GPR158: variants seen among roughly 807,000 people sequenced by gnomAD.
GPR158 encodes metabotropic glycine receptor.
A neutral mutation model predicts 78.2 loss-of-function variants in GPR158; 30 were observed. The ratio of observed to expected loss-of-function variants is 0.38; its 90% CI spans 0.29 to 0.52. GPR158 has a LOEUF of 0.52. GPR158 is among the 20% of genes least tolerant of loss of function. The probability of loss-of-function intolerance (pLI) is 0.83; values close to 1 mark genes in which losing one functional copy is unlikely to be tolerated. For missense variants in GPR158, 1,463 were observed against 1,523.5 expected (o/e 0.96, Z 0.66); for synonymous variants, 581 against 591.1 (o/e 0.98, Z 0.25).
At chr10:25,210,383 C>CCA (rs947435360) in intron 1 of GPR158, among the ~76,000 whole-genome samples, 1 of 152,068 alleles carries the variant, frequency 6.6e-6, no homozygotes, top group Non-Finnish European at 1.5e-5. Context: ...AATGAGAAAT[C>CCA]CAAAAGCAGG....
At chr10:25,187,551 A>G (rs371422743) in intron 1 of GPR158, among the ~76,000 whole-genome samples, 4,324 of 152,306 alleles carry the variant, frequency 0.028, 191 homozygotes, top group African/African-American at 0.095. Flanking sequence ...ATCTCAATAG[A>G]TGCAGAAAAG....
chr10:25,589,482 AAAGC>A (rs1177503712), intron 8 of GPR158, among the ~76,000 whole-genome samples: 1 of 152,246 alleles, frequency 6.6e-6, no homozygotes, highest in African/African-American at 2.4e-5. Context: ...CATACATTGT[AAAGC>A]AGATACAGTT....
intron 1 of GPR158, among the ~76,000 whole-genome samples, chr10:25,202,428 G>T (rs1051094933): frequency 3.3e-5 from 5 of 151,936 alleles, no homozygotes; most frequent in Non-Finnish European, 4.4e-5. Flanking sequence ...AACAGGCCCT[G>T]GTGTGTGATG....
intron 1 of GPR158, among the ~76,000 whole-genome samples, chr10:25,180,622 G>A (rs1406809125): frequency 6.6e-6 from 1 of 152,194 alleles, no homozygotes; most frequent in African/African-American, 2.4e-5. Context: ...TTTGCCTCAA[G>A]TCCCAGTTTT....
At chr10:25,465,781 T>G (rs1835413334) in intron 4 of GPR158, among the ~76,000 whole-genome samples, 1 of 152,316 alleles carries the variant, frequency 6.6e-6, no homozygotes, top group African/African-American at 2.4e-5. Flanking sequence ...TGAAATAGTT[T>G]AGGAATGGCA....
chr10:25,221,028 C>T, intron 1 of GPR158, 24 bp from the exon 2 acceptor site: 1 of 1,172,638 alleles, frequency 8.5e-7, no homozygotes, highest in Non-Finnish European at 1.3e-6. Flanking sequence ...TTAATTTGTT[C>T]TTTTTATCCT....
chr10:25,242,762 G>C (rs1393291064), intron 2 of GPR158, among the ~76,000 whole-genome samples: 2 of 152,038 alleles, frequency 1.3e-5, no homozygotes, highest in Admixed American at 6.5e-5. Flanking sequence ...AATTTTATCA[G>C]AATATGTGGA....
rs145750272 is a variant in GPR158 at position 25,488,268 on chromosome 10, T to C, written c.1404+21549T>C. 2.2e-3 allele frequency among the ~76,000 whole-genome samples: 339 copies of C among 152,186 alleles called. 2 individuals are homozygous for C. The highest frequency in any genetic ancestry group is 7.7e-3 in the African/African-American group (320 of 41,534). ...ACACTTCTCTGCCATTTAACCTCATTTGTCAGAATTTAATCACAAGGTCAT... is the reference window on the plus strand; with the variant it reads ...ACACTTCTCTGCCATTTAACCTCATCTGTCAGAATTTAATCACAAGGTCAT... On this transcript the variant is annotated intron_variant, in intron 5 of 10. Transcript: ENST00000376351.
At chr10:25,327,731 A>C (rs1414885952) in intron 2 of GPR158, among the ~76,000 whole-genome samples, 1 of 152,240 alleles carries the variant, frequency 6.6e-6, no homozygotes, top group East Asian at 1.9e-4. Context: ...ACTATTGGGC[A>C]TAAGTGGAAA....
At chr10:25,379,735 T>C (rs1834129805) in intron 2 of GPR158, among the ~76,000 whole-genome samples, 1 of 151,586 alleles carries the variant, frequency 6.6e-6, no homozygotes, top group Non-Finnish European at 1.5e-5. Flanking sequence ...GATTTTTTCT[T>C]TTCTTCTCAT....
chr10:25,263,083 T>C (rs1853990988), intron 2 of GPR158, among the ~76,000 whole-genome samples: 1 of 152,190 alleles, frequency 6.6e-6, no homozygotes, highest in Non-Finnish European at 1.5e-5. Context: ...ATTTCTTCCA[T>C]GGATTGTGTC....
intron 5 of GPR158, among the ~76,000 whole-genome samples, chr10:25,518,217 T>C (rs1184674105): frequency 1.2e-5 from 1 of 85,320 alleles, no homozygotes; most frequent in Non-Finnish European, 2.3e-5. Context: ...TTGGTGGTGA[T>C]ATCCCCTTTA....
At chr10:25,580,214 A>T (rs1222364875) in intron 7 of GPR158, among the ~76,000 whole-genome samples, 1 of 152,228 alleles carries the variant, frequency 6.6e-6, no homozygotes, top group Non-Finnish European at 1.5e-5. Flanking sequence ...CTTTTAGTGA[A>T]TTCCAGCATT....
At chr10:25,444,359 C>T (rs976599854) in intron 4 of GPR158, among the ~76,000 whole-genome samples, 4 of 149,102 alleles carry the variant, frequency 2.7e-5, no homozygotes, top group East Asian at 4.0e-4. Context: ...GAAGTGTATG[C>T]GTGCGGTAGT....
chr10:25,422,858 C>A lies in GPR158; in HGVS notation c.1335+10385C>A, dbSNP rs576721193. On this transcript the variant is annotated intron_variant, in intron 4 of 10. Coordinates refer to ENST00000376351, the MANE Select transcript of GPR158 (RefSeq NM_020752.3). Reference sequence around the variant, plus strand: ...CAGTCTTTTATTCCCTTACCCCCCCCACACTTTCCCCCAAGTCCCCAAAGT... The same window carrying A: ...CAGTCTTTTATTCCCTTACCCCCCCAACACTTTCCCCCAAGTCCCCAAAGT... 3.5e-5 allele frequency among the ~76,000 whole-genome samples: 5 copies of A among 142,160 alleles called. No homozygotes were observed. In the South Asian group the frequency reaches 6.6e-4, roughly 19 times the overall value. 93.3% of individuals were successfully genotyped at this position (142,160 alleles called of 152,430 possible).
At chr10:25,595,950 T>C (rs1837399241) in intron 9 of GPR158, among the ~76,000 whole-genome samples, 1 of 152,204 alleles carries the variant, frequency 6.6e-6, no homozygotes, top group Non-Finnish European at 1.5e-5. Flanking sequence ...TTGCTAGGCA[T>C]TGTTATATAT....
intron 5 of GPR158, among the ~76,000 whole-genome samples, chr10:25,513,648 G>A (rs1836118721): frequency 6.6e-6 from 1 of 151,890 alleles, no homozygotes; most frequent in Non-Finnish European, 1.5e-5. Context: ...TTTGATGTAG[G>A]CATTTAATGC....
At chr10:25,486,870 A>G (rs1835742533) in intron 5 of GPR158, among the ~76,000 whole-genome samples, 1 of 152,090 alleles carries the variant, frequency 6.6e-6, no homozygotes, top group African/African-American at 2.4e-5. Context: ...AATAAAAAAA[A>G]TAGATAAATG....
intron 5 of GPR158, among the ~76,000 whole-genome samples, chr10:25,492,338 T>A (rs1835821722): frequency 6.6e-6 from 1 of 152,120 alleles, no homozygotes; most frequent in African/African-American, 2.4e-5. Context: ...ATTTCTTCCA[T>A]GAGAAACAAT....
Sources: allele counts gnomAD v4.1 joint callset (sites outside exome capture counted in the v4.1 genomes callset), GRCh38; gene constraint gnomAD v4.1.1; transcripts MANE v1.5; gene names NCBI Gene and HGNC (gene_info 2026-07-23, HGNC 2026-07-21).